MOV10L1: variants seen among roughly 807,000 people sequenced by gnomAD.
The protein encoded by MOV10L1 is Mov10 like RNA helicase 1.
MOV10L1 carries 110 observed loss-of-function variants against 143.8 expected under a neutral mutation model. The observed-to-expected ratio is 0.76, with a 90% CI of 0.66 to 0.90. The LOEUF (loss-of-function observed/expected upper bound fraction) is 0.90, where lower values mean the gene tolerates loss of function less well. Ranked by LOEUF, MOV10L1 falls within the 40% of genes least tolerant of loss-of-function variation. The probability of loss-of-function intolerance (pLI) is 0.00; values close to 1 mark genes in which losing one functional copy is unlikely to be tolerated. For missense variants in MOV10L1, 1,406 were observed against 1,526.8 expected (o/e 0.92, Z 1.32); for synonymous variants, 593 against 581.1 (o/e 1.02, Z -0.29).
intron 8 of MOV10L1, 108 bp from the exon 9 acceptor site, chr22:50,117,049 A>G (rs2062198536): frequency 2.1e-6 from 2 of 967,298 alleles, no homozygotes; most frequent in Admixed American, 2.4e-5. Flanking sequence ...ATTGAAGACT[A>G]AAGATGAGTC....
At chr22:50,097,766 T>C (rs1397337388) in intron 2 of MOV10L1, among the ~76,000 whole-genome samples, 1 of 152,206 alleles carries the variant, frequency 6.6e-6, no homozygotes, top group East Asian at 1.9e-4. Context: ...GAATTTTAGA[T>C]GAGTTTTTCT....
chr22:50,120,436 G>A (rs2062305995), intron 9 of MOV10L1, 66 bp from the exon 10 acceptor site: 7 of 1,010,808 alleles, frequency 6.9e-6, no homozygotes, highest in Middle Eastern at 2.1e-4. Context: ...GGATGTTTAG[G>A]TAAGAATGTC....
In MOV10L1 at chr22:50,143,073, A is replaced by G. The variant is rs1169368182; in HGVS notation, c.2210A>G (p.Lys737Arg). 1 of 1,614,080 alleles carries G rather than the reference A, an allele frequency of 6.2e-7. No homozygotes were observed. Among genetic ancestry groups the G allele is most frequent in the Non-Finnish European group, 8.5e-7 (1 of 1,180,036 alleles). Residue 737 changes from lysine to arginine, a missense_variant, in exon 17 of 27, where the codon AAG becomes AGG. Around this residue, in one of 3 missense-constraint regions of MOV10L1, gnomAD observed 1,233 missense variants for 1,351.4 expected, o/e 0.91. Coordinates refer to ENST00000262794, the MANE Select transcript of MOV10L1 (RefSeq NM_018995.3). ...VDEIQTPKAR[K>R]MEFFNPVLNE... is the part of the protein sequence containing the mutation. ...GAAATTCAGACCCCTAAAGCAAGAA[A>G]GATGGAGTTTTTCAACCCAGTGCTA...
At chr22:50,126,425 T>G (rs1325094696) in intron 12 of MOV10L1, among the ~76,000 whole-genome samples, 153 bp downstream of exon 12, 3 of 152,198 alleles carry the variant, frequency 2.0e-5, no homozygotes, top group African/African-American at 4.8e-5. Flanking sequence ...TAAATAATTT[T>G]TGATGCATAA....
intron 19 of MOV10L1, chr22:50,147,164 TG>T: frequency 6.3e-7 from 1 of 1,587,648 alleles, no homozygotes; most frequent in Non-Finnish European, 8.6e-7. Flanking sequence ...TGGGAGGAGG[TG>T]GCCGGCCAGG....
intron 10 of MOV10L1, among the ~76,000 whole-genome samples, chr22:50,123,521 C>T (rs2147209661): frequency 6.6e-6 from 1 of 152,334 alleles, no homozygotes; most frequent in South Asian, 2.1e-4. Context: ...TGAGCCACCA[C>T]ACCCAGCTAA....
At position 50,146,194 on chromosome 22, in the gene MOV10L1, C is replaced by T. The variant is rs547032642; in HGVS notation, c.2627+384C>T. On this transcript the variant is annotated intron_variant, in intron 19 of 26. Transcript: ENST00000262794. Reference sequence around the variant, plus strand: ...GGCCTTTGGACGACCTCTGGTGAGCCGGGAAGCCAGTGAAGGGCTTCTGAG... The same window carrying T: ...GGCCTTTGGACGACCTCTGGTGAGCTGGGAAGCCAGTGAAGGGCTTCTGAG... Among the ~76,000 whole-genome samples, 7 of 151,964 alleles carry T rather than the reference C, an allele frequency of 4.6e-5. No homozygotes were observed. In the South Asian group the frequency reaches 8.3e-4, roughly 18 times the overall value.
intron 5 of MOV10L1, among the ~76,000 whole-genome samples, chr22:50,111,345 AAG>A (rs2062016259): frequency 6.6e-6 from 1 of 152,128 alleles, no homozygotes; most frequent in African/African-American, 2.4e-5. Context: ...ACTTTGATGT[AAG>A]AGAAGGTAAC....
intron 3 of MOV10L1, among the ~76,000 whole-genome samples, chr22:50,106,357 G>T (rs1426680802): frequency 4.5e-5 from 6 of 134,814 alleles, no homozygotes; most frequent in African/African-American, 1.6e-4. Context: ...TTAGAGATGG[G>T]ATCTTACTGT....
chr22:50,098,975 A>G (rs751598148), intron 2 of MOV10L1, among the ~76,000 whole-genome samples: 24 of 152,200 alleles, frequency 1.6e-4, no homozygotes, highest in Non-Finnish European at 3.2e-4. Flanking sequence ...ACTGATTTTC[A>G]TATGTTGAAA....
Position 50,114,542 on chromosome 22 carries a change from AT to A in MOV10L1, c.1048del (p.Ser350HisfsTer2). On this transcript the variant is annotated frameshift_variant, in exon 7 of 27. Coordinates refer to ENST00000262794, the MANE Select transcript of MOV10L1 (RefSeq NM_018995.3). LOFTEE classifies it high-confidence loss of function. ...EKENSSDENINSLNSHTKNKT... is the reference protein window; with the variant it reads ...EKENSSDENIXSLNSHTKNKT... ...GAGAATTCATCAGATGAAAATATTA[AT>A]TCATTAAATAGCCACACAAAAAACA... is the stretch of plus-strand genomic sequence containing the variant. The A allele has an allele frequency of 6.2e-7, 1 of 1,614,168 alleles. No individual in the cohort carries two copies. The highest frequency in any genetic ancestry group is 8.5e-7 in the Non-Finnish European group (1 of 1,180,036).
intron 2 of MOV10L1, among the ~76,000 whole-genome samples, chr22:50,099,237 A>G (rs142301345): frequency 6.6e-6 from 1 of 152,170 alleles, no homozygotes; most frequent in Non-Finnish European, 1.5e-5. Flanking sequence ...ACCCCAGAGA[A>G]CCCCTTTGCC....
chr22:50,134,921 AG>A (rs1301468460), intron 15 of MOV10L1, among the ~76,000 whole-genome samples: 1 of 152,246 alleles, frequency 6.6e-6, no homozygotes, highest in Non-Finnish European at 1.5e-5. Context: ...GCTAAGATGC[AG>A]GGCTAAGATG....
intron 24 of MOV10L1, among the ~76,000 whole-genome samples, chr22:50,160,346 A>C (rs190735878): frequency 6.8e-6 from 1 of 146,240 alleles, no homozygotes; most frequent in Admixed American, 6.9e-5. Flanking sequence ...TCCCGGGTTC[A>C]CGCCATTCTC....
At chr22:50,098,669 GA>G (rs1218422669) in intron 2 of MOV10L1, among the ~76,000 whole-genome samples, 1 of 152,296 alleles carries the variant, frequency 6.6e-6, no homozygotes, top group Admixed American at 6.5e-5. Flanking sequence ...GTTTTCCACA[GA>G]TGAGATCCTA....
chr22:50,094,133 C>T (rs1227080395), intron 2 of MOV10L1: 1 of 152,226 alleles, frequency 6.6e-6, no homozygotes, highest in East Asian at 1.9e-4. Context: ...TTCTCCCCCT[C>T]TGCCCAGATT....
chr22:50,091,956 G>T (rs1351225631), intron 1 of MOV10L1, 45 bp from the exon 2 acceptor site: 3 of 1,581,486 alleles, frequency 1.9e-6, no homozygotes, highest in Admixed American at 1.7e-5. Flanking sequence ...TGTAGCGTAC[G>T]CTTGCTTTTA....
intron 1 of MOV10L1, chr22:50,090,652 C>A: frequency 9.3e-7 from 1 of 1,078,052 alleles, no homozygotes; most frequent in Non-Finnish European, 1.4e-6. Context: ...CGGATGCCCT[C>A]ACCGTTCCTT....
At chr22:50,160,253 CTT>C (rs571939734) in intron 24 of MOV10L1, among the ~76,000 whole-genome samples, 2 of 97,666 alleles carry the variant, frequency 2.0e-5, no homozygotes, top group Non-Finnish European at 2.1e-5. Context: ...TTTTTTCTTT[CTT>C]TTTTTTTTTT....
Sources: allele counts gnomAD v4.1 joint callset (sites outside exome capture counted in the v4.1 genomes callset), GRCh38; gene constraint gnomAD v4.1.1; regional missense constraint gnomAD v4.1.1; transcripts MANE v1.5; gene names NCBI Gene and HGNC (gene_info 2026-07-23, HGNC 2026-07-21).